PLEKHA7: variants seen among roughly 807,000 people sequenced by gnomAD.
PLEKHA7 encodes pleckstrin homology domain-containing family A member 7.
Under a neutral mutation model 170.0 loss-of-function variants are expected in PLEKHA7, and 104 were observed. That is an observed-to-expected ratio of 0.61 (90% CI 0.52 to 0.72). The LOEUF (loss-of-function observed/expected upper bound fraction) is 0.72, where lower values mean the gene tolerates loss of function less well. Among genes scored for constraint, PLEKHA7 ranks in the 30% least tolerant of loss-of-function variants. The pLI, the probability that PLEKHA7 is intolerant of heterozygous loss-of-function variation, is 0.00. For synonymous variants in PLEKHA7, 648 were observed against 660.8 expected (o/e 0.98, Z 0.30); for missense variants, 1,615 against 1,671.7 (o/e 0.97, Z 0.59).
At chr11:16,983,610 G>A (rs1439406501) in intron 3 of PLEKHA7, among the ~76,000 whole-genome samples, 1 of 152,188 alleles carries the variant, frequency 6.6e-6, no homozygotes, top group Non-Finnish European at 1.5e-5. Flanking sequence ...GAGCTCCCCA[G>A]TCTAGATTTG....
At position 16,996,677 on chromosome 11, in the gene PLEKHA7, CTG is replaced by C. The variant is rs557793299; in HGVS notation, c.221+17310_221+17311del. 6.3e-3 allele frequency among the ~76,000 whole-genome samples: 954 copies of C among 152,324 alleles called. 6 individuals carry two copies. Among genetic ancestry groups the C allele is most frequent in the Non-Finnish European group, 0.01 (713 of 68,032 alleles). The stretch of plus-strand genomic sequence containing the variant: ...AGAGGCCGGGCGCAGTGGCTCATGC[CTG>C]TAATCCCAGCACTTTGGGAGGCCGA... On this transcript the variant is annotated intron_variant, in intron 3 of 26. Transcript: ENST00000531066.
At position 16,796,005 on chromosome 11, in the gene PLEKHA7, C is replaced by T. The variant is rs555734623; in HGVS notation, c.2410-987G>A. On this transcript the variant is annotated intron_variant, in intron 17 of 26. Transcript: ENST00000531066. ...CAACCAGGTAGCTGAATTACAGGCG[C>T]CCACCACCACATCTGGCTAATTCTT... Among the ~76,000 whole-genome samples the T allele has an allele frequency of 2.0e-5, 3 of 151,872 alleles. No homozygotes were observed. The South Asian group carries it at 6.3e-4, about 32-fold the overall frequency.
chr11:16,845,107 G>A (rs182686643), intron 8 of PLEKHA7, among the ~76,000 whole-genome samples: 46 of 152,320 alleles, frequency 3.0e-4, no homozygotes, highest in Admixed American at 2.3e-3. Flanking sequence ...TGCCTTCTAC[G>A]TAGTAGGTAG....
Position 16,781,387 on chromosome 11 carries a change from C to T in PLEKHA7, c.3793+1367G>A, listed in dbSNP as rs145491670. Among the ~76,000 whole-genome samples, 43 of 152,184 alleles carry T rather than the reference C, an allele frequency of 2.8e-4. No individual in the cohort carries two copies. The East Asian group carries it at 8.3e-3, about 29-fold the overall frequency. On this transcript the variant is annotated intron_variant, in intron 26 of 26. Coordinates refer to ENST00000531066, the MANE Select transcript of PLEKHA7 (RefSeq NM_001329630.2). ...GCTCATCTGCTGGCAATAAGGAGGC[C>T]GAGGATGGCAGACCCCCTCAGGGTT...
At chr11:16,790,961 C>T in intron 20 of PLEKHA7, 46 bp from the exon 21 acceptor site, 1 of 1,613,972 alleles carries the variant, frequency 6.2e-7, no homozygotes, top group Non-Finnish European at 8.5e-7. Flanking sequence ...TGTCACACCC[C>T]TTTACCTCTC....
At chr11:16,908,138 G>C (rs1047623062) in intron 3 of PLEKHA7, among the ~76,000 whole-genome samples, 1 of 151,304 alleles carries the variant, frequency 6.6e-6, no homozygotes, top group African/African-American at 2.4e-5. Flanking sequence ...GAGGGCCGCA[G>C]GGTCCTCTGC....
intron 4 of PLEKHA7, among the ~76,000 whole-genome samples, chr11:16,867,419 A>T (rs1854481548): frequency 6.6e-6 from 1 of 152,192 alleles, no homozygotes; most frequent in South Asian, 2.1e-4. Flanking sequence ...ATGTGGTTAC[A>T]ACTCTCCAGT....
chr11:16,980,886 T>C (rs747300697), intron 3 of PLEKHA7, among the ~76,000 whole-genome samples: 1 of 151,104 alleles, frequency 6.6e-6, no homozygotes, highest in Non-Finnish European at 1.5e-5. Flanking sequence ...AAATTCCATC[T>C]CAAAAACAAC....
At chr11:16,970,848 A>T (rs11024093) in intron 3 of PLEKHA7, among the ~76,000 whole-genome samples, 4 of 152,028 alleles carry the variant, frequency 2.6e-5, no homozygotes, top group Non-Finnish European at 4.4e-5. Flanking sequence ...CAGGAAGAAA[A>T]AAATGTTAAT....
At chr11:16,944,749 G>C (rs1321414741) in intron 3 of PLEKHA7, among the ~76,000 whole-genome samples, 1 of 152,058 alleles carries the variant, frequency 6.6e-6, no homozygotes, top group Non-Finnish European at 1.5e-5. Flanking sequence ...TGTAATTTCA[G>C]TGACTTTGCT....
chr11:16,991,922 G>A (rs886407041), intron 3 of PLEKHA7, among the ~76,000 whole-genome samples: 2 of 152,204 alleles, frequency 1.3e-5, no homozygotes, highest in African/African-American at 4.8e-5. Context: ...CGGAGGGCAT[G>A]AGAATGGTCT....
chr11:16,924,932 T>A (rs1267416238), intron 3 of PLEKHA7, among the ~76,000 whole-genome samples: 1 of 152,178 alleles, frequency 6.6e-6, no homozygotes, highest in East Asian at 1.9e-4. Flanking sequence ...GACGGGCGCC[T>A]GGAACAAAGC....
chr11:16,824,272 T>C (rs762028789), intron 10 of PLEKHA7, among the ~76,000 whole-genome samples: 44 of 152,254 alleles, frequency 2.9e-4, no homozygotes, highest in Admixed American at 7.2e-4. Flanking sequence ...CAGTGGGTCA[T>C]GCCTATAATC....
intron 17 of PLEKHA7, chr11:16,795,366 G>A: frequency 3.8e-6 from 1 of 263,666 alleles, no homozygotes; most frequent in Non-Finnish European, 7.3e-6. Context: ...TGGTTGCTGG[G>A]GGCGGGGGAG....
chr11:17,003,928 T>C (rs557555337), intron 3 of PLEKHA7, among the ~76,000 whole-genome samples: 32 of 152,244 alleles, frequency 2.1e-4, no homozygotes, highest in African/African-American at 4.1e-4. Flanking sequence ...ATACTTTCCT[T>C]AAGTCCTCCT....
chr11:16,918,939 G>A (rs901475739), intron 3 of PLEKHA7, among the ~76,000 whole-genome samples: 6 of 152,034 alleles, frequency 3.9e-5, no homozygotes, highest in East Asian at 1.9e-4. Flanking sequence ...GGCCCAGCAC[G>A]GTGGCTCATG....
intron 10 of PLEKHA7, among the ~76,000 whole-genome samples, chr11:16,824,699 T>C (rs1850499692): frequency 6.6e-6 from 1 of 152,244 alleles, no homozygotes; most frequent in South Asian, 2.1e-4. Context: ...GGCTCTTACC[T>C]TCTTTGTGAA....
intron 13 of PLEKHA7, chr11:16,812,344 T>C (rs558743841): frequency 3.0e-4 from 46 of 152,358 alleles, no homozygotes; most frequent in African/African-American, 1.1e-3. Flanking sequence ...CTGGAGACTG[T>C]AGGGAGGCAC....
intron 17 of PLEKHA7, 77 bp from the exon 18 acceptor site, chr11:16,795,095 G>A: frequency 9.4e-7 from 1 of 1,067,008 alleles, no homozygotes; most frequent in Non-Finnish European, 1.5e-6. Context: ...TACCATTTCA[G>A]ACAGAGCCCC....
Sources: gnomAD v4.1 joint callset for allele counts (sites outside exome capture counted in the v4.1 genomes callset) on GRCh38, gnomAD v4.1.1 for gene constraint, MANE v1.5 for transcripts, NCBI Gene and HGNC (gene_info 2026-07-23, HGNC 2026-07-21) for gene names.